SDK1: variants seen among roughly 807,000 people sequenced by gnomAD.
SDK1 encodes the protein sidekick cell adhesion molecule 1.
SDK1 carries 157 observed loss-of-function variants against 245.5 expected under a neutral mutation model. The ratio of observed to expected loss-of-function variants is 0.64; its 90% CI spans 0.56 to 0.73. The LOEUF is 0.73. Ranked by LOEUF, SDK1 falls within the 30% of genes least tolerant of loss-of-function variation. SDK1 has a pLI of 0.00. For missense variants in SDK1, 3,583 were observed against 3,002.3 expected, an observed-to-expected ratio of 1.19 and a Z score of -4.52; for synonymous variants, 1,647 against 1,278.5, an observed-to-expected ratio of 1.29 and a Z score of -6.15.
intron 1 of SDK1, among the ~76,000 whole-genome samples, chr7:3,579,849 A>G (rs1041124516): frequency 1.3e-5 from 2 of 152,204 alleles, no homozygotes; most frequent in African/African-American, 4.8e-5. Flanking sequence ...TCTACATAAA[A>G]AAACTGGGTA....
chr7:3,680,050 G>A (rs76659264), intron 4 of SDK1, among the ~76,000 whole-genome samples: 8,034 of 152,232 alleles, frequency 0.053, 264 homozygotes, highest in African/African-American at 0.085. Context: ...TCCTCAGTGG[G>A]TGAAAGAGTA....
At chr7:4,042,838 C>T (rs1788730321) in intron 17 of SDK1, among the ~76,000 whole-genome samples, 1 of 152,236 alleles carries the variant, frequency 6.6e-6, no homozygotes, top group African/African-American at 2.4e-5. Flanking sequence ...GAAGGATTTG[C>T]CGGCTGTAAC....
At chr7:3,500,534 T>A (rs1782164035) in intron 1 of SDK1, among the ~76,000 whole-genome samples, 1 of 152,198 alleles carries the variant, frequency 6.6e-6, no homozygotes, top group Non-Finnish European at 1.5e-5. Context: ...TTCTCATTAT[T>A]CTTATGTGAT....
At chr7:3,557,059 A>G (rs906603994) in intron 1 of SDK1, among the ~76,000 whole-genome samples, 16 of 152,034 alleles carry the variant, frequency 1.1e-4, no homozygotes, top group African/African-American at 3.6e-4. Context: ...TTAGGAAAAG[A>G]AGAGCAAAAT....
At position 3,493,631 on chromosome 7, in the gene SDK1, A is replaced by G. The variant is rs900652396; in HGVS notation, c.299-125449A>G. On this transcript the variant is annotated intron_variant, in intron 1 of 44. Coordinates refer to ENST00000404826, the MANE Select transcript of SDK1 (RefSeq NM_152744.4). ...AGAATTATAGAAAAGAATGTTAGGA[A>G]TGTTATCTTCATGAGTCAGGGCTTT... 1.7e-4 allele frequency among the ~76,000 whole-genome samples: 26 copies of G among 152,328 alleles called. 2 individuals are homozygous for G. The South Asian group carries it at 1.9e-3, about 11-fold the overall frequency.
At chr7:3,506,245 G>A (rs1199696717) in intron 1 of SDK1, among the ~76,000 whole-genome samples, 2 of 152,004 alleles carry the variant, frequency 1.3e-5, no homozygotes, top group African/African-American at 4.8e-5. Context: ...TTCATTGTAT[G>A]TAGGATTCCA....
chr7:4,149,849 A>T (rs1780236748), intron 30 of SDK1, among the ~76,000 whole-genome samples: 1 of 152,136 alleles, frequency 6.6e-6, no homozygotes, highest in Non-Finnish European at 1.5e-5. Context: ...TCGGGTGTCC[A>T]GGGCTGGAGG....
At chr7:3,978,931 C>A (rs1322550408) in intron 13 of SDK1, among the ~76,000 whole-genome samples, 1 of 152,174 alleles carries the variant, frequency 6.6e-6, no homozygotes, top group Admixed American at 6.5e-5. Flanking sequence ...CAAAAATAGA[C>A]CAGCCGTTGG....
chr7:3,352,307 C>A (rs909559231), intron 1 of SDK1, among the ~76,000 whole-genome samples: 3 of 151,474 alleles, frequency 2.0e-5, no homozygotes, highest in African/African-American at 7.3e-5. Flanking sequence ...TTCCAGAGAT[C>A]CCCAATATTT....
At chr7:3,396,743 C>G (rs916446512) in intron 1 of SDK1, among the ~76,000 whole-genome samples, 1 of 151,502 alleles carries the variant, frequency 6.6e-6, no homozygotes, top group African/African-American at 2.4e-5. Flanking sequence ...ATCTTTGTAT[C>G]TAATGTGAAT....
intron 5 of SDK1, among the ~76,000 whole-genome samples, chr7:3,865,337 C>T (rs1436813689): frequency 6.6e-6 from 1 of 152,188 alleles, no homozygotes; most frequent in African/African-American, 2.4e-5. Flanking sequence ...AAGGGCATTT[C>T]ATCCCACTCC....
chr7:4,267,015 T>C lies in SDK1; in HGVS notation c.*1631T>C, dbSNP rs1426173999. 1.0e-6 allele frequency: 1 copy of C among 985,496 alleles called. No homozygotes were observed. Among genetic ancestry groups the C allele is most frequent in the Non-Finnish European group, 1.2e-6 (1 of 830,092 alleles). The allele number at this position is 985,496 out of a possible 1,614,324, so 61.0% of individuals were successfully genotyped here. On this transcript the variant is annotated 3_prime_UTR_variant, in exon 45 of 45. Transcript: ENST00000404826. The stretch of plus-strand genomic sequence containing the variant: ...GGCCCCTGCTTACCTAGATGTTTTG[T>C]GCACCTCCATGGGCAGAGGGTGTGG...
At chr7:3,750,065 C>T (rs1393531533) in intron 4 of SDK1, among the ~76,000 whole-genome samples, 2 of 152,166 alleles carry the variant, frequency 1.3e-5, no homozygotes, top group Admixed American at 1.3e-4. Flanking sequence ...CTTTGCCTAG[C>T]AGAAAATTCA....
At chr7:3,598,252 C>T (rs887457590) in intron 1 of SDK1, among the ~76,000 whole-genome samples, 1 of 152,050 alleles carries the variant, frequency 6.6e-6, no homozygotes, top group African/African-American at 2.4e-5. Flanking sequence ...TTCCATTTGT[C>T]TTTTCTATCA....
chr7:3,940,379 C>T (rs1416485151), intron 5 of SDK1, among the ~76,000 whole-genome samples: 4 of 152,222 alleles, frequency 2.6e-5, no homozygotes, highest in South Asian at 2.1e-4. Flanking sequence ...AAGGCAAACG[C>T]GAAAACGCAT....
intron 1 of SDK1, among the ~76,000 whole-genome samples, chr7:3,408,906 ATAAT>A (rs1235658070): frequency 6.6e-6 from 1 of 152,212 alleles, no homozygotes; most frequent in African/African-American, 2.4e-5. Context: ...CAGTTTCGAA[ATAAT>A]TAAACAATGC....
At position 3,969,435 on chromosome 7, in the gene SDK1, G is replaced by C. The variant is rs779367423; in HGVS notation, c.1714+11G>C. 1.3e-6 allele frequency: 2 copies of C among 1,532,990 alleles called. No individual in the cohort carries two copies. Among genetic ancestry groups the C allele is most frequent in the Non-Finnish European group, 1.8e-6 (2 of 1,133,478 alleles). The allele number at this position is 1,532,990 out of a possible 1,614,324, so 95.0% of individuals were successfully genotyped here. ...CGCTCACTGTGTGGAGTAAGGAGCA[G>C]CCCTCGCACGTCGGCCTTCTGTTAG... On this transcript the variant is annotated intron_variant, in intron 11 of 44. Coordinates refer to ENST00000404826, the MANE Select transcript of SDK1 (RefSeq NM_152744.4).
At chr7:3,570,712 G>T (rs939424282) in intron 1 of SDK1, among the ~76,000 whole-genome samples, 2 of 152,192 alleles carry the variant, frequency 1.3e-5, no homozygotes, top group African/African-American at 4.8e-5. Flanking sequence ...GCAGTCTCAC[G>T]TAACGAGGCC....
rs191980297 is a variant in SDK1, at chr7:4,055,904, T to C, written c.2911+4074T>C. Reference sequence around the variant, plus strand: ...CTGTGACCCATGAATTAATTGGAAGTGTGCTGTTCATTTTCCATGTGTTTG... The same window carrying C: ...CTGTGACCCATGAATTAATTGGAAGCGTGCTGTTCATTTTCCATGTGTTTG... On this transcript the variant is annotated intron_variant, in intron 19 of 44. Coordinates refer to ENST00000404826, the MANE Select transcript of SDK1 (RefSeq NM_152744.4). Among the ~76,000 whole-genome samples the C allele has an allele frequency of 1.3e-4, 20 of 152,296 alleles. No individual in the cohort carries two copies. In the East Asian group the frequency reaches 3.3e-3, roughly 25 times the overall value.
Sources: allele counts gnomAD v4.1 joint callset (sites outside exome capture counted in the v4.1 genomes callset), GRCh38; gene constraint gnomAD v4.1.1; transcripts MANE v1.5; gene names NCBI Gene and HGNC (gene_info 2026-07-23, HGNC 2026-07-21).